The following AGXT2 variants were observed in gnomAD, a reference collection of about 807,000 sequenced individuals.
AGXT2 encodes the protein alanine--glyoxylate aminotransferase 2, also known as alanine--glyoxylate aminotransferase 2, mitochondrial.
A neutral mutation model predicts 62.5 loss-of-function variants in AGXT2; 61 were observed. The observed-to-expected ratio is 0.98, with a 90% CI of 0.79 to 1.21. AGXT2 has a LOEUF of 1.21. Among genes scored for constraint, AGXT2 ranks in the 50% most tolerant of loss-of-function variants. The pLI is 0.00. For synonymous variants in AGXT2, 243 were observed against 218.7 expected (o/e 1.11, Z -0.98); for missense variants, 666 against 641.5 (o/e 1.04, Z -0.41).
At chr5:35,017,241 C>A (rs1210196879) in intron 9 of AGXT2, among the ~76,000 whole-genome samples, 1 of 152,108 alleles carries the variant, frequency 6.6e-6, no homozygotes, top group Non-Finnish European at 1.5e-5. Flanking sequence ...TTTTGGGAGC[C>A]TGAGTTTGAG....
chr5:35,001,684 C>T (rs866841978), intron 13 of AGXT2, among the ~76,000 whole-genome samples: 3 of 152,170 alleles, frequency 2.0e-5, no homozygotes, highest in Admixed American at 6.5e-5. Flanking sequence ...TTGCACCAGC[C>T]ACATCTGTGT....
At chr5:35,013,151 A>G in intron 10 of AGXT2, 106 bp from the exon 11 acceptor site, 2 of 936,142 alleles carry the variant, frequency 2.1e-6, no homozygotes, top group Non-Finnish European at 3.4e-6. Context: ...ATGGCATCCA[A>G]TCCAATTCAT....
intron 4 of AGXT2, among the ~76,000 whole-genome samples, chr5:35,035,713 C>T (rs1162891882): frequency 6.6e-6 from 1 of 152,178 alleles, no homozygotes; most frequent in African/African-American, 2.4e-5. Flanking sequence ...TGGAACAAGA[C>T]AGGACCTCTG....
At chr5:35,013,077 G>T in intron 10 of AGXT2, 32 bp from the exon 11 acceptor site, 1 of 1,530,434 alleles carries the variant, frequency 6.5e-7, no homozygotes, top group South Asian at 1.2e-5. Context: ...TGTGGAAAGA[G>T]GGACACATTC....
intron 11 of AGXT2, among the ~76,000 whole-genome samples, chr5:35,010,867 G>A (rs1766614750): frequency 6.6e-6 from 1 of 152,110 alleles, no homozygotes; most frequent in African/African-American, 2.4e-5. Context: ...ACTGGAAGAT[G>A]GTGACCTTTG....
chr5:35,039,068 C>A (rs1395688705), intron 3 of AGXT2, among the ~76,000 whole-genome samples: 1 of 152,102 alleles, frequency 6.6e-6, no homozygotes, highest in Non-Finnish European at 1.5e-5. Flanking sequence ...GAGAAACACA[C>A]ACAGCAAGAC....
intron 3 of AGXT2, among the ~76,000 whole-genome samples, chr5:35,039,058 G>C (rs1376340471): frequency 6.6e-6 from 1 of 152,062 alleles, no homozygotes; most frequent in Non-Finnish European, 1.5e-5. Context: ...TGTTGCTAAT[G>C]AGAAACACAC....
chr5:35,047,495 T>C (rs1405433045), intron 1 of AGXT2, among the ~76,000 whole-genome samples: 8 of 152,210 alleles, frequency 5.3e-5, no homozygotes, highest in Non-Finnish European at 1.0e-4. Context: ...GAAGTCACAC[T>C]CTATTTTGAT....
chr5:35,005,777 G>C (rs903815234), intron 12 of AGXT2, among the ~76,000 whole-genome samples: 4 of 151,892 alleles, frequency 2.6e-5, no homozygotes, highest in Non-Finnish European at 5.9e-5. Flanking sequence ...AATGAAGTGG[G>C]CATGCTAGTA....
chr5:35,035,041 C>G (rs1767709672), intron 5 of AGXT2, among the ~76,000 whole-genome samples, 181 bp downstream of exon 5: 1 of 152,164 alleles, frequency 6.6e-6, no homozygotes, highest in African/African-American at 2.4e-5. Flanking sequence ...TGTATCAGGC[C>G]AACTTGAATG....
intron 9 of AGXT2, among the ~76,000 whole-genome samples, chr5:35,021,030 C>A (rs971516202): frequency 5.9e-5 from 9 of 152,218 alleles, no homozygotes; most frequent in Admixed American, 4.6e-4. Context: ...TGTGAAGGAC[C>A]TCTTCAAGGA....
At chr5:35,047,596 A>G (rs1262934085) in intron 1 of AGXT2, among the ~76,000 whole-genome samples, 4 of 151,220 alleles carry the variant, frequency 2.6e-5, no homozygotes, top group Admixed American at 1.3e-4. Flanking sequence ...CACGAATTTC[A>G]TTTCAAAACA....
At chr5:35,024,231 G>A (rs1174829767) in intron 9 of AGXT2, among the ~76,000 whole-genome samples, 1 of 152,102 alleles carries the variant, frequency 6.6e-6, no homozygotes, top group Admixed American at 6.6e-5. Context: ...GTCTATTCCA[G>A]CAATGATGGC....
chr5:35,011,824 A>ATGTT (rs1260535060), intron 11 of AGXT2, among the ~76,000 whole-genome samples: 1 of 152,030 alleles, frequency 6.6e-6, no homozygotes, highest in Non-Finnish European at 1.5e-5. Context: ...CTGCACATAT[A>ATGTT]TGTTTATTGT....
intron 1 of AGXT2, among the ~76,000 whole-genome samples, chr5:35,041,928 T>A (rs926613530): frequency 2.6e-5 from 4 of 152,228 alleles, no homozygotes; most frequent in African/African-American, 9.6e-5. Context: ...TGGTTATCCA[T>A]GCATAGAAAG....
At chr5:35,039,302 T>C (rs1488548643) in intron 3 of AGXT2, 22 bp downstream of exon 3, 70 of 1,611,664 alleles carry the variant, frequency 4.3e-5, no homozygotes, top group Non-Finnish European at 5.9e-5. Context: ...AATAAAAATC[T>C]CCAGATTTTA....
intron 1 of AGXT2, among the ~76,000 whole-genome samples, chr5:35,046,043 A>G (rs1214671982): frequency 1.3e-5 from 2 of 152,048 alleles, no homozygotes; most frequent in Non-Finnish European, 2.9e-5. Context: ...CTGGGATTAG[A>G]GGTGTGAGCC....
At chr5:35,017,472 G>T (rs1766887866) in intron 9 of AGXT2, among the ~76,000 whole-genome samples, 1 of 152,136 alleles carries the variant, frequency 6.6e-6, no homozygotes, top group African/African-American at 2.4e-5. Context: ...TCTCATGGTG[G>T]TGAATAAGTC....
chr5:35,026,594 G>GA (rs61293163), intron 7 of AGXT2, 84 bp from the exon 8 acceptor site: 109,934 of 735,024 alleles, frequency 0.15, 106 homozygotes, highest in South Asian at 0.21. Context: ...GGAAAAACAG[G>GA]AAAAAAAAAA....
Sources: allele counts gnomAD v4.1 joint callset (sites outside exome capture counted in the v4.1 genomes callset), GRCh38; gene constraint gnomAD v4.1.1; transcripts MANE v1.5; gene names NCBI Gene and HGNC (gene_info 2026-07-23, HGNC 2026-07-21).